GBE1: variants seen among roughly 807,000 people sequenced by gnomAD.
The protein encoded by GBE1 is 1,4-alpha-glucan-branching enzyme.
GBE1 carries 70 observed loss-of-function variants against 88.8 expected under a neutral mutation model. The observed-to-expected ratio is 0.79, with a 90% CI of 0.65 to 0.96. The LOEUF is 0.96. GBE1 is among the 40% of genes least tolerant of loss of function. The pLI, the probability that GBE1 is intolerant of heterozygous loss-of-function variation, is 0.00. For missense variants in GBE1, 872 were observed against 871.0 expected (o/e 1.00, Z -0.01); for synonymous variants, 284 against 300.1 (o/e 0.95, Z 0.56).
At chr3:81,727,440 A>G (rs1036280084) in intron 1 of GBE1, among the ~76,000 whole-genome samples, 1 of 152,208 alleles carries the variant, frequency 6.6e-6, no homozygotes, top group East Asian at 1.9e-4. Flanking sequence ...AGGGTTATCA[A>G]TCCAGACTTG....
At chr3:81,616,520 G>A (rs1166097548) in intron 7 of GBE1, among the ~76,000 whole-genome samples, 1 of 152,024 alleles carries the variant, frequency 6.6e-6, no homozygotes, top group Non-Finnish European at 1.5e-5. Flanking sequence ...ATTTGCGTAG[G>A]TCTATTTCTG....
chr3:81,647,244 C>G (rs1370454122), intron 5 of GBE1, among the ~76,000 whole-genome samples: 1 of 152,126 alleles, frequency 6.6e-6, no homozygotes, highest in Non-Finnish European at 1.5e-5. Context: ...AGGCGTGAGC[C>G]ACCGCGCCCA....
intron 2 of GBE1, among the ~76,000 whole-genome samples, chr3:81,692,536 T>C (rs1705536773): frequency 6.6e-6 from 1 of 152,224 alleles, no homozygotes; most frequent in African/African-American, 2.4e-5. Flanking sequence ...TTGCTCTCAG[T>C]TTTTAGTTTG....
At chr3:81,620,138 C>T (rs1300777562) in intron 7 of GBE1, among the ~76,000 whole-genome samples, 1 of 151,500 alleles carries the variant, frequency 6.6e-6, no homozygotes, top group Non-Finnish European at 1.5e-5. Context: ...AAAAGGCTGT[C>T]ATATATGACA....
At chr3:81,692,723 GA>G (rs1469582931) in intron 2 of GBE1, among the ~76,000 whole-genome samples, 7 of 152,100 alleles carry the variant, frequency 4.6e-5, no homozygotes, top group African/African-American at 1.7e-4. Context: ...GGCAAGTACT[GA>G]ATACAAGTTA....
chr3:81,493,460 G>A (rs1428421156), intron 15 of GBE1, among the ~76,000 whole-genome samples: 4 of 151,440 alleles, frequency 2.6e-5, no homozygotes, highest in Non-Finnish European at 5.9e-5. Context: ...ATTACATAAT[G>A]ATAATTTAGA....
At chr3:81,555,457 C>T (rs1015429132) in intron 12 of GBE1, among the ~76,000 whole-genome samples, 2 of 152,110 alleles carry the variant, frequency 1.3e-5, no homozygotes, top group African/African-American at 4.8e-5. Flanking sequence ...AGAACACAGA[C>T]GTGAAGCAAT....
chr3:81,619,948 T>C (rs187150322), intron 7 of GBE1, among the ~76,000 whole-genome samples: 2 of 152,126 alleles, frequency 1.3e-5, no homozygotes, highest in East Asian at 3.9e-4. Context: ...AAACGTAGCA[T>C]TAAAATGTCA....
chr3:81,494,059 T>C (rs1702472199), intron 15 of GBE1, among the ~76,000 whole-genome samples: 1 of 152,114 alleles, frequency 6.6e-6, no homozygotes, highest in Non-Finnish European at 1.5e-5. Flanking sequence ...AATTGTACAG[T>C]ATCATTAACA....
At chr3:81,710,325 C>T (rs1465563010) in intron 1 of GBE1, among the ~76,000 whole-genome samples, 1 of 145,704 alleles carries the variant, frequency 6.9e-6, no homozygotes, top group Non-Finnish European at 1.5e-5. Context: ...AGCTCCGCCT[C>T]CCAGGTTCAC....
chr3:81,499,691 C>A (rs1014274944), intron 14 of GBE1, among the ~76,000 whole-genome samples: 1 of 152,128 alleles, frequency 6.6e-6, no homozygotes, highest in East Asian at 1.9e-4. Flanking sequence ...TACAGTCAGT[C>A]CTCCATATCT....
chr3:81,538,934 G>T (rs1703111631), intron 12 of GBE1, among the ~76,000 whole-genome samples: 1 of 151,954 alleles, frequency 6.6e-6, no homozygotes, highest in Non-Finnish European at 1.5e-5. Flanking sequence ...AATTCCTTTA[G>T]CCCTCTTCCA....
chr3:81,728,230 C>T (rs1706138821), intron 1 of GBE1, among the ~76,000 whole-genome samples: 1 of 151,994 alleles, frequency 6.6e-6, no homozygotes, highest in Non-Finnish European at 1.5e-5. Context: ...GAATCAAAAA[C>T]GTCTGTCATC....
At chr3:81,595,480 A>C (rs1268255918) in intron 7 of GBE1, among the ~76,000 whole-genome samples, 1 of 151,944 alleles carries the variant, frequency 6.6e-6, no homozygotes, top group African/African-American at 2.4e-5. Context: ...GCATATATCG[A>C]TATTTTGTAA....
rs1187746996 is a variant in GBE1, at chr3:81,597,445, A to AAT, written c.993-3424_993-3423dup. Among the ~76,000 whole-genome samples the AAT allele has an allele frequency of 3.5e-5, 5 of 144,602 alleles. No individual in the cohort carries two copies. In the East Asian group the frequency reaches 1.0e-3, roughly 30 times the overall value. 94.9% of individuals were successfully genotyped at this position (144,602 alleles called of 152,430 possible). ...GTCAAATATATATATATATCTCAAAAATATATATATATCTCAAATATATAT... is the reference window on the plus strand; with the variant it reads ...GTCAAATATATATATATATCTCAAAAATATATATATATATCTCAAATATATAT... On this transcript the variant is annotated intron_variant, in intron 7 of 15. Transcript: ENST00000429644.
chr3:81,530,005 A>G (rs1702992316), intron 14 of GBE1, among the ~76,000 whole-genome samples: 2 of 151,620 alleles, frequency 1.3e-5, no homozygotes, highest in Admixed American at 1.3e-4. Context: ...TCCTGTAGGC[A>G]TGCTTCATTC....
chr3:81,608,057 AC>A (rs1262297199), intron 7 of GBE1, among the ~76,000 whole-genome samples: 1 of 152,200 alleles, frequency 6.6e-6, no homozygotes, highest in East Asian at 1.9e-4. Flanking sequence ...ATCCACTTTT[AC>A]CAAAATTCAT....
Position 81,761,484 on chromosome 3 carries a change from C to G in GBE1, c.34G>C (p.Glu12Gln), listed in dbSNP as rs772401056. The change falls in exon 1 of 16, where the codon GAG becomes CAG. Residue 12 changes from glutamate (E) to glutamine (Q), a missense_variant. Coordinates refer to ENST00000429644, the MANE Select transcript of GBE1 (RefSeq NM_000158.4). ...GCATTGAGCGCCGCCTCGTAGTCCTCGGGCCGAGCCGCGGGAGTCATCGGA... is the reference window on the plus strand; with the variant it reads ...GCATTGAGCGCCGCCTCGTAGTCCTGGGGCCGAGCCGCGGGAGTCATCGGA... ...AAPMTPAARP[E>Q]DYEAALNAAL... 6.2e-7 allele frequency: 1 copy of G among 1,610,198 alleles called. No homozygotes were observed. The highest frequency in any genetic ancestry group is 8.5e-7 in the Non-Finnish European group (1 of 1,178,870).
intron 12 of GBE1, among the ~76,000 whole-genome samples, chr3:81,547,270 G>A (rs77604835): frequency 0.022 from 3,260 of 151,516 alleles, 192 homozygotes; most frequent in Middle Eastern, 0.034. Flanking sequence ...GAATGTTAGA[G>A]TCCTTTATAA....
Sources: gnomAD v4.1 joint callset for allele counts (sites outside exome capture counted in the v4.1 genomes callset) on GRCh38, gnomAD v4.1.1 for gene constraint, MANE v1.5 for transcripts, NCBI Gene and HGNC (gene_info 2026-07-23, HGNC 2026-07-21) for gene names.